Variants in MTX2 observed in about 807,000 individuals in gnomAD.
The protein encoded by MTX2 is metaxin 2.
MTX2 carries 35 observed loss-of-function variants against 42.3 expected under a neutral mutation model. That is an observed-to-expected ratio of 0.83 (90% CI 0.63 to 1.10). The LOEUF (loss-of-function observed/expected upper bound fraction) is 1.10. Among genes scored for constraint, MTX2 ranks in the 50% least tolerant of loss-of-function variants. The pLI is 0.00. For synonymous variants in MTX2, 119 were observed against 100.9 expected, an observed-to-expected ratio of 1.18 and a Z score of -1.08; for missense variants, 307 against 304.1, an observed-to-expected ratio of 1.01 and a Z score of -0.07.
chr2:176,310,481 T>C (rs1007480941), intron 3 of MTX2, among the ~76,000 whole-genome samples: 4 of 152,220 alleles, frequency 2.6e-5, no homozygotes, highest in Non-Finnish European at 4.4e-5. Context: ...GTGGATAATA[T>C]CCTGAAGAGT....
chr2:176,308,620 G>A (rs570709708), intron 3 of MTX2, among the ~76,000 whole-genome samples: 2 of 152,268 alleles, frequency 1.3e-5, no homozygotes, highest in South Asian at 4.2e-4. Context: ...TTAGTCTTGG[G>A]AGGGTGTATG....
intron 3 of MTX2, among the ~76,000 whole-genome samples, chr2:176,309,675 T>C (rs1199302773): frequency 1.3e-5 from 2 of 152,080 alleles, no homozygotes; most frequent in Non-Finnish European, 2.9e-5. Flanking sequence ...TTGATCTTTG[T>C]TGGTTTAAAG....
chr2:176,279,271 A>AC (rs1693024698), intron 1 of MTX2, among the ~76,000 whole-genome samples: 1 of 152,092 alleles, frequency 6.6e-6, no homozygotes, highest in Non-Finnish European at 1.5e-5. Flanking sequence ...AATGGTATTT[A>AC]CCCCCACATC....
intron 3 of MTX2, among the ~76,000 whole-genome samples, chr2:176,319,489 A>C (rs113694761): frequency 0.022 from 3,233 of 145,938 alleles, 104 homozygotes; most frequent in African/African-American, 0.077. Flanking sequence ...TAATTATTGG[A>C]CTCAAGCTAT....
intron 4 of MTX2, among the ~76,000 whole-genome samples, chr2:176,325,225 TA>T (rs1302247733): frequency 6.6e-6 from 1 of 151,780 alleles, no homozygotes; most frequent in African/African-American, 2.4e-5. Context: ...ATAAAAATTT[TA>T]AAAGTGATTA....
At chr2:176,309,635 A>G (rs1477342189) in intron 3 of MTX2, among the ~76,000 whole-genome samples, 1 of 149,626 alleles carries the variant, frequency 6.7e-6, no homozygotes, top group African/African-American at 2.5e-5. Flanking sequence ...TGATCCCTTT[A>G]CCATTATGTA....
At chr2:176,302,401 G>T (rs1684046257) in intron 3 of MTX2, among the ~76,000 whole-genome samples, 1 of 152,020 alleles carries the variant, frequency 6.6e-6, no homozygotes, top group Admixed American at 6.6e-5. Context: ...TTTTATTTCT[G>T]TTGAATGTAG....
At chr2:176,301,855 ATAT>A (rs1220836121) in intron 3 of MTX2, among the ~76,000 whole-genome samples, 1 of 152,138 alleles carries the variant, frequency 6.6e-6, no homozygotes, top group Non-Finnish European at 1.5e-5. Context: ...TACCTCTATA[ATAT>A]TATGAAGCTC....
chr2:176,336,257 TTAG>T (rs1684984720), intron 9 of MTX2, among the ~76,000 whole-genome samples: 1 of 152,094 alleles, frequency 6.6e-6, no homozygotes, highest in Non-Finnish European at 1.5e-5. Flanking sequence ...TTATAGATCA[TTAG>T]TAGTGGGGTA....
chr2:176,288,107 G>A (rs1371331080), intron 1 of MTX2, among the ~76,000 whole-genome samples: 2 of 151,560 alleles, frequency 1.3e-5, no homozygotes, highest in African/African-American at 4.8e-5. Context: ...ACTAGCTAAG[G>A]GGCATTACTA....
chr2:176,335,290 A>G (rs72925159), intron 9 of MTX2, among the ~76,000 whole-genome samples: 3,878 of 152,206 alleles, frequency 0.025, 92 homozygotes, highest in Non-Finnish European at 0.039. Context: ...AATGCAAGAA[A>G]CAAGGCCAGT....
chr2:176,305,809 T>A (rs1336039468), intron 3 of MTX2, among the ~76,000 whole-genome samples: 1 of 152,170 alleles, frequency 6.6e-6, no homozygotes, highest in Non-Finnish European at 1.5e-5. Flanking sequence ...TGATATGTCT[T>A]CAAATGTTCT....
chr2:176,313,419 G>T (rs1197024935), intron 3 of MTX2, among the ~76,000 whole-genome samples: 1 of 138,984 alleles, frequency 7.2e-6, no homozygotes, highest in Non-Finnish European at 1.5e-5. Flanking sequence ...TGGAGATAGG[G>T]TCTCACTCTG....
At chr2:176,318,542 GCCT>G (rs1274950713) in intron 3 of MTX2, among the ~76,000 whole-genome samples, 1 of 152,054 alleles carries the variant, frequency 6.6e-6, no homozygotes, top group Non-Finnish European at 1.5e-5. Flanking sequence ...GAATACATTT[GCCT>G]CCTCATTTTA....
intron 1 of MTX2, among the ~76,000 whole-genome samples, chr2:176,292,094 T>C (rs925395013): frequency 4.6e-5 from 7 of 152,182 alleles, no homozygotes; most frequent in African/African-American, 1.7e-4. Flanking sequence ...TTGACAGCAT[T>C]GGACAACTTT....
intron 1 of MTX2, among the ~76,000 whole-genome samples, chr2:176,288,070 C>A (rs146406110): frequency 6.6e-6 from 1 of 152,000 alleles, no homozygotes; most frequent in African/African-American, 2.4e-5. Flanking sequence ...CATCCTGTAT[C>A]GTATCATTAA....
chr2:176,286,059 T>TA (rs1480601422), intron 1 of MTX2, among the ~76,000 whole-genome samples: 4 of 152,162 alleles, frequency 2.6e-5, no homozygotes, highest in African/African-American at 9.7e-5. Context: ...ATGACCTTCT[T>TA]ATTGGGTGTG....
Position 176,329,359 on chromosome 2 carries a change from A to T in MTX2, c.476A>T (p.Tyr159Phe). Residue 159 changes from tyrosine to phenylalanine, a missense_variant, in exon 8 of 10, where the codon TAT (tyrosine) becomes TTT (phenylalanine). Physicochemically the swap from Tyr to Phe is conservative, Grantham distance 22 (BLOSUM62 3). Transcript: ENST00000249442. Reference sequence around the variant, plus strand: ...TGGCCTCTGAATCATATTTTGGCCTATCAAAAACAGTGGGAAGTCAAACGT... The same window carrying T: ...TGGCCTCTGAATCATATTTTGGCCTTTCAAAAACAGTGGGAAGTCAAACGT... ...YPWPLNHILA[Y>F]QKQWEVKRKM... is the part of the protein sequence containing the mutation. 1 of 1,608,188 alleles carries T rather than the reference A, an allele frequency of 6.2e-7. No individual in the cohort carries two copies. The highest frequency in any genetic ancestry group is 8.5e-7 in the Non-Finnish European group (1 of 1,175,890).
intron 1 of MTX2, among the ~76,000 whole-genome samples, chr2:176,275,912 G>A (rs1175657736): frequency 6.6e-6 from 1 of 152,206 alleles, no homozygotes; most frequent in Non-Finnish European, 1.5e-5. Context: ...GAAATTGGCT[G>A]CAGTGTTGAT....
Sources: gnomAD v4.1 joint callset for allele counts (sites outside exome capture counted in the v4.1 genomes callset) on GRCh38, gnomAD v4.1.1 for gene constraint, MANE v1.5 for transcripts, NCBI Gene and HGNC (gene_info 2026-07-23, HGNC 2026-07-21) for gene names.